Variants in CRX observed in about 807,000 individuals in gnomAD.
The protein encoded by CRX is cone-rod homeobox protein.
In CRX, 5 loss-of-function variants were observed where a neutral mutation model predicts 13.1. That is an observed-to-expected ratio of 0.38 (90% CI 0.20 to 0.80). The LOEUF (loss-of-function observed/expected upper bound fraction) is 0.80, where lower values mean the gene tolerates loss of function less well. Among genes scored for constraint, CRX ranks in the 30% least tolerant of loss-of-function variants. The probability of loss-of-function intolerance (pLI) is 0.43; values close to 1 mark genes in which losing one functional copy is unlikely to be tolerated. For synonymous variants in CRX, 179 were observed against 171.1 expected, an observed-to-expected ratio of 1.05 and a Z score of -0.36; for missense variants, 351 against 391.8, an observed-to-expected ratio of 0.90 and a Z score of 0.88.
chr19:47,836,579 C>G (rs1968120625), intron 3 of CRX, among the ~76,000 whole-genome samples, 185 bp downstream of exon 3: 1 of 152,276 alleles, frequency 6.6e-6, no homozygotes, highest in Non-Finnish European at 1.5e-5. Context: ...CCTCGCTCCT[C>G]TCCAGCTGCG....
chr19:47,830,406 T>G (rs950127544), intron 1 of CRX, among the ~76,000 whole-genome samples: 4 of 150,350 alleles, frequency 2.7e-5, no homozygotes, highest in African/African-American at 9.8e-5. Flanking sequence ...ACCAGCTGTT[T>G]CAAAGGAGAA....
intron 1 of CRX, among the ~76,000 whole-genome samples, chr19:47,830,744 C>G (rs1201211199): frequency 1.3e-5 from 2 of 149,590 alleles, no homozygotes; most frequent in Non-Finnish European, 3.0e-5. Context: ...TGCAGCAAGC[C>G]GAGATTGTGC....
At chr19:47,824,898 A>C (rs1321565253) in intron 1 of CRX, among the ~76,000 whole-genome samples, 2 of 151,014 alleles carry the variant, frequency 1.3e-5, no homozygotes, top group Non-Finnish European at 2.9e-5. Context: ...CTTGTATATA[A>C]AGCCTGGGCC....
rs1031125832 is a variant in CRX, at chr19:47,841,435, C to T, written c.*1468C>T. On this transcript the variant is annotated 3_prime_UTR_variant, in exon 4 of 4. Coordinates refer to ENST00000221996, the MANE Select transcript of CRX (RefSeq NM_000554.6). ...TGGGGTAGCTGCTTGGGACGTACCA[C>T]CTATAGTTGTGGCTATTTCACAGAG... 1 of 152,074 alleles carries T rather than the reference C, an allele frequency of 6.6e-6. No homozygotes were observed. The highest frequency in any genetic ancestry group is 1.9e-4 in the East Asian group (1 of 5,202). 9.4% of individuals were successfully genotyped at this position (152,074 alleles called of 1,614,324 possible). A position where few individuals can be genotyped will look rare whatever the true frequency, so the allele number is the denominator to read the frequency against.
intron 3 of CRX, among the ~76,000 whole-genome samples, 194 bp downstream of exon 3, chr19:47,836,588 C>T (rs763548487): frequency 2.6e-4 from 39 of 152,250 alleles, no homozygotes; most frequent in Non-Finnish European, 4.7e-4. Context: ...TCTCCAGCTG[C>T]GCTGGCCCTG....
rs116501005 is a variant in CRX, at chr19:47,825,417, C to T, written c.-36+3407C>T. ...CTGGGATTACAGGTACGTGCCACCA[C>T]GCCCAGCCCTCACTGGAGGCCCTTC... On this transcript the variant is annotated intron_variant, in intron 1 of 3. Transcript: ENST00000221996. 1.2e-3 allele frequency among the ~76,000 whole-genome samples: 179 copies of T among 152,270 alleles called. 1 individual carries two copies. Among genetic ancestry groups the T allele is most frequent in the African/African-American group, 4.1e-3 (169 of 41,560 alleles).
intron 1 of CRX, among the ~76,000 whole-genome samples, chr19:47,829,185 G>A (rs1440218705): frequency 1.3e-5 from 2 of 151,894 alleles, no homozygotes; most frequent in Non-Finnish European, 2.9e-5. Flanking sequence ...GCATAATCTC[G>A]GCTCACTGCA....
intron 1 of CRX, among the ~76,000 whole-genome samples, chr19:47,826,755 G>A (rs1471707957): frequency 6.6e-6 from 1 of 152,228 alleles, no homozygotes; most frequent in Non-Finnish European, 1.5e-5. Context: ...AAATTGAGCA[G>A]CTTCAAACAA....
In CRX at chr19:47,827,537, CTT is replaced by C. The variant is rs71180887; in HGVS notation, c.-36+5547_-36+5548del. Reference sequence around the variant, plus strand: ...GGGAGTTCTTGAAACTTTCTGAAGGCTTTTTTTTTTTTTTTTTTTTTGACAGA... The same window carrying C: ...GGGAGTTCTTGAAACTTTCTGAAGGCTTTTTTTTTTTTTTTTTTTGACAGA... On this transcript the variant is annotated intron_variant, in intron 1 of 3. Transcript: ENST00000221996. Among the ~76,000 whole-genome samples, 334 of 90,330 alleles carry C rather than the reference CTT, an allele frequency of 3.7e-3. 6 individuals carry two copies. The highest frequency in any genetic ancestry group is 0.025 in the East Asian group (81 of 3,248). The allele number at this position is 90,330 out of a possible 152,430, so 59.3% of individuals were successfully genotyped here. A position where few individuals can be genotyped will look rare whatever the true frequency, so the allele number is the denominator to read the frequency against.
In CRX at chr19:47,836,263, C is replaced by A; in HGVS notation, c.121C>A (p.Arg41=). The change falls in exon 3 of 4, where the codon CGG becomes AGG. Residue 41 remains arginine, a synonymous_variant. Transcript: ENST00000221996. ...PYPSAPRKQR[R]ERTTFTRSQL... The stretch of plus-strand genomic sequence containing the variant: ...CCCAGGCGCCCCCAGGAAGCAGCGG[C>A]GGGAGCGCACCACCTTCACCCGGAG... The A allele has an allele frequency of 6.2e-7, 1 of 1,614,134 alleles. No homozygotes were observed. Among genetic ancestry groups the A allele is most frequent in the Non-Finnish European group, 8.5e-7 (1 of 1,180,024 alleles).
intron 1 of CRX, among the ~76,000 whole-genome samples, chr19:47,832,123 T>TTTTTTTTTTA (rs1968056947): frequency 1.5e-5 from 2 of 137,706 alleles, no homozygotes; most frequent in Non-Finnish European, 1.6e-5. Context: ...TTTTTTTTTT[T>TTTTTTTTTTA]GAGACGGAGT....
intron 1 of CRX, among the ~76,000 whole-genome samples, chr19:47,831,028 A>G (rs1968037440): frequency 6.7e-6 from 1 of 150,350 alleles, no homozygotes; most frequent in Non-Finnish European, 1.5e-5. Context: ...TGAATAACAG[A>G]CCGGGTGTAG....
chr19:47,831,723 G>A (rs948511277), intron 1 of CRX, among the ~76,000 whole-genome samples: 1 of 151,944 alleles, frequency 6.6e-6, no homozygotes, highest in Admixed American at 6.6e-5. Flanking sequence ...TTGTCTTATT[G>A]CCGAGCCTAG....
intron 1 of CRX, among the ~76,000 whole-genome samples, chr19:47,825,619 C>T (rs1336988170): frequency 6.6e-5 from 10 of 152,126 alleles, no homozygotes; most frequent in African/African-American, 1.7e-4. Flanking sequence ...CTCCCCTATC[C>T]GTTAAAAGGG....
At position 47,839,696 on chromosome 19, in the gene CRX, C is replaced by T; in HGVS notation, c.629C>T (p.Ser210Phe). ...TGCTCTTCCCCCTCCGCCTATGGGT[C>T]TCCGAGCTCCTATTTCAGCGGCCTA... The part of the protein sequence containing the change: ...AFCSSPSAYG[S>F]PSSYFSGLDP... Residue 210 changes from serine to phenylalanine, a missense_variant, in exon 4 of 4, where the codon TCT (serine) becomes TTT (phenylalanine). Physicochemically the swap from Ser to Phe is radical, Grantham distance 155. Coordinates refer to ENST00000221996, the MANE Select transcript of CRX (RefSeq NM_000554.6). This position sits in a 1 kb window ranked among gnomAD's most constrained non-coding sequence, Gnocchi z 4.6. 1 of 1,613,964 alleles carries T rather than the reference C, an allele frequency of 6.2e-7. No homozygotes were observed. Among genetic ancestry groups the T allele is most frequent in the Middle Eastern group, 1.6e-4 (1 of 6,062 alleles).
chr19:47,836,836 C>T (rs12984367), intron 3 of CRX, among the ~76,000 whole-genome samples: 26,837 of 152,108 alleles, frequency 0.18, 2,617 homozygotes, highest in Non-Finnish European at 0.22. Flanking sequence ...ATTCCACTGA[C>T]GGACACTCAG....
chr19:47,839,897 A>T lies in CRX; in HGVS notation c.830A>T (p.Lys277Ile). The T allele has an allele frequency of 6.2e-7, 1 of 1,614,042 alleles. No individual in the cohort carries two copies. The highest frequency in any genetic ancestry group is 8.5e-7 in the Non-Finnish European group (1 of 1,180,016). The stretch of plus-strand genomic sequence containing the variant: ...TTCAAGGACCCCACGGGCACCTGGA[A>T]ATTCACCTACAATCCCATGGACCCT... ...LEFKDPTGTW[K>I]FTYNPMDPLD... is the part of the protein sequence containing the mutation. Residue 277 changes from lysine (K) to isoleucine (I), a missense_variant, in exon 4 of 4, where the codon AAA becomes ATA. By Grantham distance (102) the Lys-to-Ile change is moderately radical. Around this residue, in one of 3 missense-constraint regions of CRX, gnomAD observed 253 missense variants for 268.3 expected, o/e 0.94. Coordinates refer to ENST00000221996, the MANE Select transcript of CRX (RefSeq NM_000554.6). This position sits in a 1 kb window ranked among gnomAD's most constrained non-coding sequence, Gnocchi z 4.6.
At chr19:47,824,079 T>C (rs895781182) in intron 1 of CRX, among the ~76,000 whole-genome samples, 5 of 152,314 alleles carry the variant, frequency 3.3e-5, no homozygotes, top group African/African-American at 1.2e-4. Context: ...TCCAGCCAGA[T>C]GAGCCATATT....
At chr19:47,828,119 A>T (rs755809652) in intron 1 of CRX, among the ~76,000 whole-genome samples, 48 of 151,520 alleles carry the variant, frequency 3.2e-4, no homozygotes, top group Admixed American at 1.3e-3. Context: ...AAGCCATTGC[A>T]CTCCAGCCTG....
Sources: allele counts gnomAD v4.1 joint callset (sites outside exome capture counted in the v4.1 genomes callset), GRCh38; gene constraint gnomAD v4.1.1; regional missense constraint gnomAD v4.1.1; non-coding constraint Gnocchi (gnomAD v3.1); transcripts MANE v1.5; gene names NCBI Gene and HGNC (gene_info 2026-07-23, HGNC 2026-07-21).